LRPPRC: variants seen among roughly 807,000 people sequenced by gnomAD.
LRPPRC encodes leucine rich pentatricopeptide repeat containing, also known as leucine-rich PPR motif-containing protein, mitochondrial.
A neutral mutation model predicts 180.3 loss-of-function variants in LRPPRC; 120 were observed. That is an observed-to-expected ratio of 0.67 (90% CI 0.57 to 0.77). The LOEUF is 0.77. Ranked by LOEUF, LRPPRC falls within the 30% of genes least tolerant of loss-of-function variation. The probability of loss-of-function intolerance (pLI) is 0.00; values close to 1 mark genes in which losing one functional copy is unlikely to be tolerated. For missense variants in LRPPRC, 2,012 were observed against 1,657.2 expected (o/e 1.21, Z -3.72); for synonymous variants, 723 against 600.0 (o/e 1.21, Z -3.00).
At position 43,911,899 on chromosome 2, in the gene LRPPRC, T is replaced by G. The variant is rs192380482; in HGVS notation, c.3275+533A>C. Among the ~76,000 whole-genome samples, 57 of 152,294 alleles carry G rather than the reference T, an allele frequency of 3.7e-4. No individual in the cohort carries two copies. In the East Asian group the frequency reaches 7.9e-3, roughly 21 times the overall value. On this transcript the variant is annotated intron_variant, in intron 30 of 37. Transcript: ENST00000260665. ...ACAAATAAGATGTGTTCAGTACCTA[T>G]GTTTTCTCTACTTCACTCTACCTTC...
At chr2:43,935,771 A>C (rs756105617) in intron 23 of LRPPRC, among the ~76,000 whole-genome samples, 7 of 152,194 alleles carry the variant, frequency 4.6e-5, no homozygotes, top group Non-Finnish European at 8.8e-5. Context: ...TTCACAGGTA[A>C]TATAAAAAAA....
At chr2:43,905,183 AGATT>A (rs1362395115) in intron 31 of LRPPRC, among the ~76,000 whole-genome samples, 1 of 152,252 alleles carries the variant, frequency 6.6e-6, no homozygotes, top group Non-Finnish European at 1.5e-5. Context: ...AAAAAGTATT[AGATT>A]AAGTTTTAAA....
chr2:43,979,999 T>G, intron 2 of LRPPRC, 51 bp from the exon 3 acceptor site: 4 of 1,552,856 alleles, frequency 2.6e-6, no homozygotes, highest in Non-Finnish European at 3.6e-6. Flanking sequence ...CAATATCACA[T>G]AGATAAATAT....
chr2:43,889,099 G>A (rs573768999), intron 37 of LRPPRC, among the ~76,000 whole-genome samples: 4 of 152,024 alleles, frequency 2.6e-5, no homozygotes, highest in African/African-American at 4.8e-5. Context: ...GGCGGATCAC[G>A]AGGTCAGCAG....
At chr2:43,981,868 C>T (rs949515861) in intron 2 of LRPPRC, among the ~76,000 whole-genome samples, 2 of 151,750 alleles carry the variant, frequency 1.3e-5, no homozygotes, top group Admixed American at 6.6e-5. Flanking sequence ...TGTTTAATGG[C>T]AAAAACTGCA....
rs145105621 is a variant in LRPPRC at position 43,899,509 on chromosome 2, G to A, written c.3666C>T (p.Phe1222=). The stretch of plus-strand genomic sequence containing the variant: ...CCAACTGCTCCTCTATTACTTTTCT[G>A]AATAAGTATGCCAAGCCGAAGTATT... The part of the protein sequence containing the change: ...EPQYFGLAYL[F]RKVIEEQLEP... The change falls in exon 33 of 38, where the codon TTC becomes TTT. Residue 1222 remains phenylalanine, a synonymous_variant. Coordinates refer to ENST00000260665, the MANE Select transcript of LRPPRC (RefSeq NM_133259.4). 58 of 1,613,834 alleles carry A rather than the reference G, an allele frequency of 3.6e-5. No homozygotes were observed. Among genetic ancestry groups the A allele is most frequent in the Non-Finnish European group, 1.9e-5 (22 of 1,179,880 alleles).
rs778935891 is a variant in LRPPRC at position 43,982,341 on chromosome 2, A to G, written c.243T>C (p.Asn81=). ...ESTFSSRKIS[N]QFDWALMRLD... ...GTCTCATTAGAGCCCAATCAAACTG[A>G]TTGGAAATCTTCCTAGAAGAAAAAG... The change falls in exon 2 of 38, where the codon AAT becomes AAC. Residue 81 remains asparagine, a synonymous_variant. Coordinates refer to ENST00000260665, the MANE Select transcript of LRPPRC (RefSeq NM_133259.4). 3 of 1,613,632 alleles carry G rather than the reference A, an allele frequency of 1.9e-6. No individual in the cohort carries two copies. The Admixed American group carries it at 5.0e-5, about 27-fold the overall frequency.
intron 37 of LRPPRC, 97 bp downstream of exon 37, chr2:43,889,637 C>A: frequency 9.8e-7 from 1 of 1,022,480 alleles, no homozygotes; most frequent in South Asian, 1.3e-5. Context: ...ATCTAATCCT[C>A]ATGTAATTAA....
chr2:43,945,247 C>T lies in LRPPRC; in HGVS notation c.2296+85G>A. 3 of 927,440 alleles carry T rather than the reference C, an allele frequency of 3.2e-6. 1 individual carries two copies. Among genetic ancestry groups the T allele is most frequent in the Middle Eastern group, 4.2e-4 (2 of 4,726 alleles). The allele number at this position is 927,440 out of a possible 1,614,324, so 57.5% of individuals were successfully genotyped here. A position where few individuals can be genotyped will look rare whatever the true frequency, so the allele number is the denominator to read the frequency against. On this transcript the variant is annotated intron_variant, in intron 22 of 37. Coordinates refer to ENST00000260665, the MANE Select transcript of LRPPRC (RefSeq NM_133259.4). ...CAAAGTGTTCAAGCACTTTGCAGGA[C>T]ATGATATCCATTAATATCAATTCAC...
chr2:43,927,650 C>T (rs186650785), intron 25 of LRPPRC, among the ~76,000 whole-genome samples: 13 of 152,280 alleles, frequency 8.5e-5, no homozygotes, highest in African/African-American at 2.6e-4. Flanking sequence ...GCAAGGGCTA[C>T]GGTCACTTAC....
chr2:43,945,262 T>C (rs1672635974), intron 22 of LRPPRC, 70 bp downstream of exon 22: 3 of 1,030,208 alleles, frequency 2.9e-6, no homozygotes, highest in Admixed American at 1.7e-5. Flanking sequence ...TATCCATTAA[T>C]ATCAATTCAC....
In LRPPRC at chr2:43,960,618, G is replaced by C. The variant is rs779173520; in HGVS notation, c.1505C>G (p.Ser502Cys). 1.3e-6 allele frequency: 2 copies of C among 1,586,390 alleles called. No individual in the cohort carries two copies. The highest frequency in any genetic ancestry group is 1.7e-6 in the Non-Finnish European group (2 of 1,156,502). ...RAILQENGCLSDSDMFSQAGL... is the reference protein window; with the variant it reads ...RAILQENGCLCDSDMFSQAGL... ...AGCTTGAGAAAACATATCACTATCA[G>C]ACAGACATCCATTTTCCTGGAGATA... The change falls in exon 13 of 38, where the codon TCT (serine) becomes TGT (cysteine). Residue 502 changes from serine to cysteine, a missense_variant. By Grantham distance (112) the Ser-to-Cys change is moderately radical. Coordinates refer to ENST00000260665, the MANE Select transcript of LRPPRC (RefSeq NM_133259.4).
chr2:43,973,884 G>A lies in LRPPRC; in HGVS notation c.1172C>T (p.Thr391Ile), dbSNP rs369533881. The change falls in exon 10 of 38, where the codon ACA becomes ATA. Residue 391 changes from threonine (T) to isoleucine (I), a missense_variant. Physicochemically the swap from Thr to Ile is moderately conservative, Grantham distance 89. Coordinates refer to ENST00000260665, the MANE Select transcript of LRPPRC (RefSeq NM_133259.4). ...VTMNTPVEKLTDYCKKLKEVQ... is the reference protein window; with the variant it reads ...VTMNTPVEKLIDYCKKLKEVQ... ...TTCCTTTAACTTCTTACAGTAGTCT[G>A]TTAGCTTCTCCACAGGCTGTGGGAA... 48 of 1,608,202 alleles carry A rather than the reference G, an allele frequency of 3.0e-5. No individual in the cohort carries two copies. Among genetic ancestry groups the A allele is most frequent in the African/African-American group, 4.0e-5 (3 of 74,788 alleles).
At chr2:43,958,193 A>G (rs1673200854) in intron 13 of LRPPRC, among the ~76,000 whole-genome samples, 1 of 152,210 alleles carries the variant, frequency 6.6e-6, no homozygotes, top group African/African-American at 2.4e-5. Context: ...CACAGTAGGC[A>G]TTCCCTGAAT....
At chr2:43,931,168 T>C (rs1171572793) in intron 25 of LRPPRC, among the ~76,000 whole-genome samples, 2 of 152,220 alleles carry the variant, frequency 1.3e-5, no homozygotes, top group Non-Finnish European at 2.9e-5. Flanking sequence ...ACTTACTAAA[T>C]GCCTGTCATG....
intron 25 of LRPPRC, among the ~76,000 whole-genome samples, chr2:43,928,945 C>T (rs1671985875): frequency 6.6e-6 from 1 of 152,020 alleles, no homozygotes. Context: ...TTAGCAATAG[C>T]AAATAGTCGA....
chr2:43,948,847 GAATA>G (rs1305140371), intron 16 of LRPPRC, among the ~76,000 whole-genome samples: 7 of 151,774 alleles, frequency 4.6e-5, no homozygotes, highest in East Asian at 1.9e-4. Flanking sequence ...CACGTAATAA[GAATA>G]AATAAATGTC....
At chr2:43,963,172 C>T (rs868108642) in intron 12 of LRPPRC, among the ~76,000 whole-genome samples, 15 of 152,170 alleles carry the variant, frequency 9.9e-5, no homozygotes, top group African/African-American at 2.2e-4. Flanking sequence ...GGGCCAGGCG[C>T]GGTGGCTGAT....
rs990193456 is a variant in LRPPRC, at chr2:43,934,761, A to T, written c.2622T>A (p.Ile874=). The T allele has an allele frequency of 1.2e-6, 2 of 1,612,750 alleles. No homozygotes were observed. Among genetic ancestry groups the T allele is most frequent in the Non-Finnish European group, 1.7e-6 (2 of 1,178,952 alleles). Residue 874 remains isoleucine (I), a synonymous_variant, in exon 24 of 38, where the codon ATT becomes ATA. Transcript: ENST00000260665. ...TACTAGAAAGTGACTCACCTTTCTG[A>T]ATTAGATCAGTCTCGCCTTTCTCTA... ...KLVEKGETDL[I]QKAMDFVSQE...
Sources: allele counts gnomAD v4.1 joint callset (sites outside exome capture counted in the v4.1 genomes callset), GRCh38; gene constraint gnomAD v4.1.1; transcripts MANE v1.5; gene names NCBI Gene and HGNC (gene_info 2026-07-23, HGNC 2026-07-21).